The following VAV3 variants were observed in gnomAD, a reference collection of about 807,000 sequenced individuals.
VAV3 encodes the protein vav guanine nucleotide exchange factor 3.
A neutral mutation model predicts 131.2 loss-of-function variants in VAV3; 94 were observed. The ratio of observed to expected loss-of-function variants is 0.72; its 90% CI spans 0.61 to 0.85. The LOEUF is 0.85. Ranked by LOEUF, VAV3 falls within the 40% of genes least tolerant of loss-of-function variation. The probability of loss-of-function intolerance (pLI) is 0.00; values close to 1 mark genes in which losing one functional copy is unlikely to be tolerated. For missense variants in VAV3, 939 were observed against 1,002.7 expected (o/e 0.94, Z 0.86); for synonymous variants, 349 against 342.0 (o/e 1.02, Z -0.22).
At chr1:107,708,401 G>A (rs1355938890) in intron 15 of VAV3, among the ~76,000 whole-genome samples, 3 of 152,110 alleles carry the variant, frequency 2.0e-5, no homozygotes, top group Non-Finnish European at 4.4e-5. Flanking sequence ...ATTTACTTTT[G>A]AGAATGTCAA....
rs565630737 is a variant in VAV3, at chr1:107,926,881, G to T, written c.204+37785C>A. On this transcript the variant is annotated intron_variant, in intron 1 of 26. Transcript: ENST00000370056. ...AAAGGCAGTCTAGACCACAGGGATT[G>T]CAACTCCTAGGTGATTCCTAGTGTT... Among the ~76,000 whole-genome samples the T allele has an allele frequency of 9.2e-5, 14 of 152,266 alleles. No individual in the cohort carries two copies. In the South Asian group the frequency reaches 2.7e-3, roughly 29 times the overall value.
At chr1:107,873,631 T>C (rs1210582012) in intron 2 of VAV3, among the ~76,000 whole-genome samples, 1 of 152,194 alleles carries the variant, frequency 6.6e-6, no homozygotes, top group East Asian at 1.9e-4. Flanking sequence ...ACTAGGGGCT[T>C]GGCTTTCAGT....
intron 19 of VAV3, among the ~76,000 whole-genome samples, chr1:107,674,030 G>A (rs1188594627): frequency 6.6e-6 from 1 of 152,144 alleles, no homozygotes; most frequent in Non-Finnish European, 1.5e-5. Context: ...AATATCTATT[G>A]TATTTCTGTC....
At chr1:107,959,185 C>T (rs950711372) in intron 1 of VAV3, among the ~76,000 whole-genome samples, 1 of 152,062 alleles carries the variant, frequency 6.6e-6, no homozygotes, top group African/African-American at 2.4e-5. Flanking sequence ...TGGTTGAACC[C>T]AGGAGGCAGA....
In VAV3 at chr1:107,959,292, A is replaced by G. The variant is rs143223142; in HGVS notation, c.204+5374T>C. On this transcript the variant is annotated intron_variant, in intron 1 of 26. Transcript: ENST00000370056. ...AAATAAATTAATTAATTAATTAATT[A>G]ACCCATATATTGATTTCTTTTCCCC... 3.7e-3 allele frequency among the ~76,000 whole-genome samples: 559 copies of G among 152,068 alleles called. 1 individual carries two copies. The highest frequency in any genetic ancestry group is 0.013 in the African/African-American group (519 of 41,406).
intron 9 of VAV3, among the ~76,000 whole-genome samples, chr1:107,761,783 C>G (rs918126586): frequency 6.6e-6 from 1 of 151,972 alleles, no homozygotes; most frequent in African/African-American, 2.4e-5. Flanking sequence ...GCTGTATGCC[C>G]CTAAGAATGT....
At chr1:107,739,766 A>C (rs1362772135) in intron 15 of VAV3, among the ~76,000 whole-genome samples, 1 of 152,062 alleles carries the variant, frequency 6.6e-6, no homozygotes, top group African/African-American at 2.4e-5. Flanking sequence ...GGCTTTGGAC[A>C]CTAAGAAAAT....
intron 15 of VAV3, among the ~76,000 whole-genome samples, chr1:107,713,447 A>G (rs879856209): frequency 2.6e-5 from 4 of 152,146 alleles, no homozygotes; most frequent in Admixed American, 6.5e-5. Context: ...CTTGCAATAC[A>G]CAAGTACCAT....
chr1:107,806,657 G>C (rs17020080), intron 2 of VAV3, among the ~76,000 whole-genome samples: 22,970 of 152,000 alleles, frequency 0.15, 2,013 homozygotes, highest in East Asian at 0.29. Context: ...CTAACCACCA[G>C]TTTTCTTCAA....
chr1:107,735,559 T>C (rs1427222628), intron 15 of VAV3, among the ~76,000 whole-genome samples: 1 of 152,094 alleles, frequency 6.6e-6, no homozygotes, highest in African/African-American at 2.4e-5. Context: ...CAAACTACCA[T>C]CAGAGAATAC....
intron 19 of VAV3, among the ~76,000 whole-genome samples, chr1:107,644,352 C>T (rs1327355075): frequency 2.6e-5 from 4 of 151,978 alleles, no homozygotes; most frequent in Non-Finnish European, 4.4e-5. Context: ...TAGTTAACTC[C>T]GTGTTTAAGG....
intron 25 of VAV3, among the ~76,000 whole-genome samples, chr1:107,577,147 T>C (rs910155432): frequency 6.6e-6 from 1 of 152,224 alleles, no homozygotes; most frequent in Admixed American, 6.5e-5. Context: ...TTTGAAGTCT[T>C]AGGTACCATG....
intron 25 of VAV3, chr1:107,576,368 CAAAT>C (rs778173105): frequency 4.7e-6 from 7 of 1,475,932 alleles, no homozygotes; most frequent in Non-Finnish European, 6.2e-6. Flanking sequence ...GTTGAAGAGA[CAAAT>C]AAAAGTAGTA....
intron 1 of VAV3, among the ~76,000 whole-genome samples, chr1:107,920,965 T>C (rs1319856098): frequency 2.0e-5 from 3 of 152,252 alleles, no homozygotes; most frequent in African/African-American, 4.8e-5. Flanking sequence ...TAAAACTTAT[T>C]AGTATTTTAA....
chr1:107,762,152 T>G (rs1292579755), intron 9 of VAV3, among the ~76,000 whole-genome samples: 1 of 151,116 alleles, frequency 6.6e-6, no homozygotes, highest in African/African-American at 2.4e-5. Flanking sequence ...CAAATATTAT[T>G]ATTAGTGAGC....
chr1:107,817,960 C>G (rs1486189623), intron 2 of VAV3, among the ~76,000 whole-genome samples: 1 of 152,134 alleles, frequency 6.6e-6, no homozygotes, highest in East Asian at 1.9e-4. Context: ...TCCCCAAAGG[C>G]CACCTCCACA....
chr1:107,622,251 A>G (rs577763520), intron 20 of VAV3, among the ~76,000 whole-genome samples: 11 of 152,260 alleles, frequency 7.2e-5, no homozygotes, highest in Admixed American at 2.0e-4. Flanking sequence ...TTTTTCTTCA[A>G]TAAGAATCCA....
intron 25 of VAV3, among the ~76,000 whole-genome samples, chr1:107,587,671 A>G (rs1318979642): frequency 2.0e-5 from 3 of 151,986 alleles, no homozygotes; most frequent in Non-Finnish European, 2.9e-5. Flanking sequence ...GCTCACTACA[A>G]CCTCCACTTC....
chr1:107,611,153 T>C (rs145541457), intron 21 of VAV3, among the ~76,000 whole-genome samples: 2,031 of 152,336 alleles, frequency 0.013, 23 homozygotes, highest in South Asian at 0.019. Context: ...TAAAATCGTA[T>C]GTGCTCCAAT....
Sources: allele counts gnomAD v4.1 joint callset (sites outside exome capture counted in the v4.1 genomes callset), GRCh38; gene constraint gnomAD v4.1.1; transcripts MANE v1.5; gene names NCBI Gene and HGNC (gene_info 2026-07-23, HGNC 2026-07-21).